ANKRD28: variants seen among roughly 807,000 people sequenced by gnomAD.
ANKRD28 encodes serine/threonine-protein phosphatase 6 regulatory ankyrin repeat subunit A.
A neutral mutation model predicts 126.5 loss-of-function variants in ANKRD28; 44 were observed. The observed-to-expected ratio is 0.35, with a 90% CI of 0.27 to 0.45. ANKRD28 has a LOEUF of 0.45. Among genes scored for constraint, ANKRD28 ranks in the 20% least tolerant of loss-of-function variants. The probability of loss-of-function intolerance (pLI) is 1.00; values close to 1 mark genes in which losing one functional copy is unlikely to be tolerated. For synonymous variants in ANKRD28, 442 were observed against 468.5 expected, an observed-to-expected ratio of 0.94 and a Z score of 0.73; for missense variants, 1,110 against 1,316.6, an observed-to-expected ratio of 0.84 and a Z score of 2.43.
Position 15,711,766 on chromosome 3 carries a change from A to G in ANKRD28, c.1273+374T>C, listed in dbSNP as rs535158971. Among the ~76,000 whole-genome samples the G allele has an allele frequency of 5.3e-5, 8 of 151,982 alleles. No homozygotes were observed. In the East Asian group the frequency reaches 1.4e-3, roughly 26 times the overall value. On this transcript the variant is annotated intron_variant, in intron 11 of 27. Transcript: ENST00000683139. ...CAGTGGCACAATCTCGGCTTACTGC[A>G]ACCTCTGCCTCCTGGGTTCAAGCGA...
At chr3:15,737,275 G>C in intron 4 of ANKRD28, 42 bp from the exon 5 acceptor site, 1 of 1,536,388 alleles carries the variant, frequency 6.5e-7, no homozygotes, top group Non-Finnish European at 8.9e-7. Flanking sequence ...TGAGTTAAGA[G>C]TTTGAGAAAT....
At chr3:15,850,669 G>A (rs1485248105) in intron 1 of ANKRD28, among the ~76,000 whole-genome samples, 1 of 152,148 alleles carries the variant, frequency 6.6e-6, no homozygotes, top group African/African-American at 2.4e-5. Flanking sequence ...GGCATCCCCA[G>A]AGAGGGCATG....
exon 1 of ANKRD28, chr3:15,859,576 G>GCCAC (rs2061861264): frequency 2.4e-5 from 6 of 251,932 alleles, no homozygotes; most frequent in Non-Finnish European, 3.0e-5. Flanking sequence ...CGCCTCCCCG[G>GCCAC]CCGCCCGCCG....
intron 14 of ANKRD28, among the ~76,000 whole-genome samples, chr3:15,706,098 T>A (rs1028466514): frequency 2.0e-5 from 3 of 152,162 alleles, no homozygotes. Flanking sequence ...TGAAATCTTT[T>A]TTTTATTGTT....
intron 6 of ANKRD28, among the ~76,000 whole-genome samples, chr3:15,734,590 A>C (rs1361130765): frequency 2.0e-5 from 3 of 152,206 alleles, no homozygotes; most frequent in Non-Finnish European, 2.9e-5. Flanking sequence ...TTGAAAAATG[A>C]ATGTCTACAA....
intron 1 of ANKRD28, among the ~76,000 whole-genome samples, chr3:15,840,250 C>G (rs1037478167): frequency 6.6e-6 from 1 of 152,114 alleles, no homozygotes; most frequent in Non-Finnish European, 1.5e-5. Flanking sequence ...TATATGCTAA[C>G]AGCAAACAAT....
intron 3 of ANKRD28, among the ~76,000 whole-genome samples, chr3:15,759,897 G>A (rs2058362438): frequency 6.6e-6 from 1 of 152,156 alleles, no homozygotes; most frequent in Non-Finnish European, 1.5e-5. Context: ...ATCTAGAGCT[G>A]TCTGGGTAAT....
intron 3 of ANKRD28, among the ~76,000 whole-genome samples, chr3:15,763,606 T>C (rs1232392436): frequency 1.3e-5 from 2 of 152,208 alleles, no homozygotes. Flanking sequence ...ATCTTGTTGA[T>C]GATGCGACAT....
At chr3:15,718,685 A>C (rs1342206124) in intron 8 of ANKRD28, among the ~76,000 whole-genome samples, 1 of 152,038 alleles carries the variant, frequency 6.6e-6, no homozygotes, top group Non-Finnish European at 1.5e-5. Flanking sequence ...ATGTGAACCA[A>C]AAAATGCATA....
At chr3:15,694,346 A>C (rs772282586) in intron 17 of ANKRD28, among the ~76,000 whole-genome samples, 6 of 152,132 alleles carry the variant, frequency 3.9e-5, no homozygotes, top group Admixed American at 6.5e-5. Flanking sequence ...AGTAAGCAAA[A>C]AATTGTAGAA....
chr3:15,696,876 T>C (rs907488055), intron 14 of ANKRD28, among the ~76,000 whole-genome samples: 2 of 152,200 alleles, frequency 1.3e-5, no homozygotes, highest in Non-Finnish European at 2.9e-5. Context: ...GAAAACTGTA[T>C]GGAGATTCCT....
At chr3:15,848,599 C>T (rs1173204988) in intron 1 of ANKRD28, among the ~76,000 whole-genome samples, 4 of 151,908 alleles carry the variant, frequency 2.6e-5, no homozygotes, top group Admixed American at 6.6e-5. Context: ...CGCTTGAGCC[C>T]AGGAGGTCTA....
At chr3:15,786,622 C>T (rs183994167) in intron 2 of ANKRD28, among the ~76,000 whole-genome samples, 20 of 152,030 alleles carry the variant, frequency 1.3e-4, no homozygotes, top group Non-Finnish European at 2.1e-4. Flanking sequence ...TATTATACAT[C>T]GATTGTATCT....
Position 15,854,215 on chromosome 3 carries a change from C to T in ANKRD28, c.27+5162G>A, listed in dbSNP as rs1422804310. The stretch of plus-strand genomic sequence containing the variant: ...TCACTTACCAATGAAGTCCAAACTT[C>T]TCAGCCTGGGATTCAAAGTACTTAA... On this transcript the variant is annotated intron_variant, in intron 1 of 27. Transcript: ENST00000399451. The surrounding 1 kb of genome is among the most constrained non-coding windows in gnomAD (Gnocchi z 4.1). Among the ~76,000 whole-genome samples, 7 of 152,236 alleles carry T rather than the reference C, an allele frequency of 4.6e-5. No individual in the cohort carries two copies.
rs111943230 is a variant in ANKRD28 at position 15,780,276 on chromosome 3, C to A, written c.202-13964G>T. Among the ~76,000 whole-genome samples, 709 of 151,994 alleles carry A rather than the reference C, an allele frequency of 4.7e-3. 6 individuals are homozygous for A. The highest frequency in any genetic ancestry group is 0.016 in the African/African-American group (673 of 41,470). ...AGCCTTTCTGTATACTAACAACAAACTATCTAAAAAGGAAATTAAGAAAAC... is the reference window on the plus strand; with the variant it reads ...AGCCTTTCTGTATACTAACAACAAAATATCTAAAAAGGAAATTAAGAAAAC... On this transcript the variant is annotated intron_variant, in intron 2 of 27. Transcript: ENST00000683139.
intron 27 of ANKRD28, among the ~76,000 whole-genome samples, chr3:15,671,319 G>C (rs1025917875): frequency 6.6e-6 from 1 of 152,164 alleles, no homozygotes; most frequent in African/African-American, 2.4e-5. Flanking sequence ...TCAGTCTTGA[G>C]GACGGAGCGG....
chr3:15,733,625 T>C (rs183592310), intron 6 of ANKRD28, among the ~76,000 whole-genome samples: 1 of 152,352 alleles, frequency 6.6e-6, no homozygotes, highest in East Asian at 1.9e-4. Flanking sequence ...AATTTTCTGA[T>C]ACAAAGGAGA....
chr3:15,797,886 C>A lies in ANKRD28; in HGVS notation c.-1365G>T. 1.0e-6 allele frequency: 1 copy of A among 985,418 alleles called. No homozygotes were observed. Among genetic ancestry groups the A allele is most frequent in the Non-Finnish European group, 1.2e-6 (1 of 829,948 alleles). 61.0% of individuals were successfully genotyped at this position (985,418 alleles called of 1,614,324 possible). On this transcript the variant is annotated 5_prime_UTR_variant, in exon 1 of 28. An upstream start codon of the reference 5' UTR is lost. Transcript: ENST00000683139. ...AACCTCAGTATCAGTCCCACAGAAG[C>A]ATTCCAACGGAGCAACAGTCTGAAG...
At chr3:15,804,072 A>C (rs948442663) in intron 1 of ANKRD28, among the ~76,000 whole-genome samples, 2 of 145,390 alleles carry the variant, frequency 1.4e-5, no homozygotes, top group Non-Finnish European at 3.0e-5. Flanking sequence ...CAAAAATACC[A>C]CAGCACTGAT....
Sources: allele counts gnomAD v4.1 joint callset (sites outside exome capture counted in the v4.1 genomes callset), GRCh38; gene constraint gnomAD v4.1.1; non-coding constraint Gnocchi (gnomAD v3.1); transcripts MANE v1.5; gene names NCBI Gene and HGNC (gene_info 2026-07-23, HGNC 2026-07-21).